Variants in ZDHHC20 observed in about 807,000 individuals in gnomAD.
ZDHHC20 encodes zDHHC palmitoyltransferase 20, also known as palmitoyltransferase ZDHHC20.
A neutral mutation model predicts 57.8 loss-of-function variants in ZDHHC20; 43 were observed. The ratio of observed to expected loss-of-function variants is 0.74; its 90% confidence interval spans 0.58 to 0.96. The LOEUF (loss-of-function observed/expected upper bound fraction) is 0.96, where lower values mean the gene tolerates loss of function less well. ZDHHC20 is among the 40% of genes least tolerant of loss of function. The pLI is 0.00. For missense variants in ZDHHC20, 391 were observed against 441.1 expected, an observed-to-expected ratio of 0.89 and a Z score of 1.02; for synonymous variants, 157 against 153.0, an observed-to-expected ratio of 1.03 and a Z score of -0.19.
rs779430398 is a variant in ZDHHC20 at position 21,374,888 on chromosome 13, CT to C, written c.*1807del. The C allele has an allele frequency of 2.3e-3, 746 of 328,598 alleles. 1 individual carries two copies. The highest frequency in any genetic ancestry group is 3.9e-3 in the Non-Finnish European group (660 of 168,608). The allele number at this position is 328,598 out of a possible 1,614,324, so 20.4% of individuals were successfully genotyped here. On this transcript the variant is annotated 3_prime_UTR_variant, in exon 13 of 13. Transcript: ENST00000400590. ...GTGGCTCACGCCTGTAATCCCAGCA[CT>C]TTGGGAAGCTGAGGTGGGTGGATTA...
chr13:21,457,990 A>G (rs1481440027), intron 1 of ZDHHC20, among the ~76,000 whole-genome samples: 2 of 152,248 alleles, frequency 1.3e-5, no homozygotes, highest in African/African-American at 4.8e-5. Context: ...CTAGGTTTTC[A>G]TAAAAAATTG....
chr13:21,424,714 A>C (rs1157750987), intron 2 of ZDHHC20, among the ~76,000 whole-genome samples: 3 of 151,852 alleles, frequency 2.0e-5, no homozygotes. Flanking sequence ...CTGTCTCAAA[A>C]AAAAAAAAAA....
At chr13:21,455,993 G>A (rs1226621902) in intron 1 of ZDHHC20, among the ~76,000 whole-genome samples, 1 of 152,078 alleles carries the variant, frequency 6.6e-6, no homozygotes, top group East Asian at 1.9e-4. Flanking sequence ...CTCTATAACC[G>A]TGGACAAATT....
intron 3 of ZDHHC20, among the ~76,000 whole-genome samples, chr13:21,417,392 C>T (rs1270392574): frequency 2.0e-5 from 3 of 152,018 alleles, no homozygotes; most frequent in Non-Finnish European, 4.4e-5. Context: ...ACACCCCACC[C>T]GTATTTATAA....
intron 12 of ZDHHC20, chr13:21,376,939 C>T: frequency 4.6e-6 from 1 of 215,804 alleles, no homozygotes. Context: ...ATCTGGTCCA[C>T]CTACACCTGT....
At position 21,372,653 on chromosome 13, in the gene ZDHHC20, G is replaced by A. The variant is rs1227229859; in HGVS notation, c.*4043C>T. On this transcript the variant is annotated 3_prime_UTR_variant, in exon 13 of 13. Transcript: ENST00000400590. Reference sequence around the variant, plus strand: ...AAGTTTTAAAATGTTCTGTGTACATGTCAATGTAGGTTAGGCCAGCCAAAA... The same window carrying A: ...AAGTTTTAAAATGTTCTGTGTACATATCAATGTAGGTTAGGCCAGCCAAAA... The A allele has an allele frequency of 6.6e-6, 1 of 152,118 alleles. No individual in the cohort carries two copies. The highest frequency in any genetic ancestry group is 1.5e-5 in the Non-Finnish European group (1 of 68,002). The allele number at this position is 152,118 out of a possible 1,614,324, so 9.4% of individuals were successfully genotyped here. A position where few individuals can be genotyped will look rare whatever the true frequency, so the allele number is the denominator to read the frequency against.
At chr13:21,443,675 T>C (rs377416290) in intron 1 of ZDHHC20, among the ~76,000 whole-genome samples, 1 of 152,240 alleles carries the variant, frequency 6.6e-6, no homozygotes, top group African/African-American at 2.4e-5. Context: ...AGAGTTATTG[T>C]AAAGATCAAA....
chr13:21,391,222 C>T (rs1292156205), intron 8 of ZDHHC20, among the ~76,000 whole-genome samples: 1 of 152,160 alleles, frequency 6.6e-6, no homozygotes, highest in Non-Finnish European at 1.5e-5. Flanking sequence ...CCATCTTGGC[C>T]TCCCAAAGTG....
chr13:21,450,692 C>G (rs1380607772), intron 1 of ZDHHC20, among the ~76,000 whole-genome samples: 2 of 151,300 alleles, frequency 1.3e-5, no homozygotes, highest in Non-Finnish European at 2.9e-5. Context: ...GGCAAGTTAT[C>G]TAGAAAATTA....
chr13:21,442,043 AG>A (rs558822437), intron 1 of ZDHHC20, among the ~76,000 whole-genome samples: 85 of 152,268 alleles, frequency 5.6e-4, no homozygotes, highest in African/African-American at 2.0e-3. Context: ...TGTTTACGTT[AG>A]GTATCATAAA....
chr13:21,399,397 T>C (rs1284255485), intron 7 of ZDHHC20, among the ~76,000 whole-genome samples: 1 of 151,510 alleles, frequency 6.6e-6, no homozygotes, highest in Non-Finnish European at 1.5e-5. Context: ...ATAAAATAAT[T>C]TCTAAATTTT....
intron 7 of ZDHHC20, among the ~76,000 whole-genome samples, chr13:21,395,734 T>G (rs548030227): frequency 6.6e-6 from 1 of 151,862 alleles, no homozygotes; most frequent in Non-Finnish European, 1.5e-5. Flanking sequence ...TCTCCTGACC[T>G]CGTGATCCGC....
chr13:21,432,547 T>G (rs1882093047), intron 1 of ZDHHC20, among the ~76,000 whole-genome samples: 1 of 152,172 alleles, frequency 6.6e-6, no homozygotes, highest in Non-Finnish European at 1.5e-5. Context: ...TTAGCCAAGG[T>G]GGTCTGGATC....
intron 1 of ZDHHC20, among the ~76,000 whole-genome samples, chr13:21,458,750 TC>T (rs1885132785): frequency 2.0e-5 from 3 of 152,176 alleles, no homozygotes; most frequent in African/African-American, 7.2e-5. Flanking sequence ...GCACGTTCCT[TC>T]CCAGAAGGAT....
At chr13:21,448,681 G>A (rs1286137264) in intron 1 of ZDHHC20, among the ~76,000 whole-genome samples, 1 of 99,616 alleles carries the variant, frequency 1.0e-5, no homozygotes, top group African/African-American at 3.1e-5. Context: ...GAAGTGAGGA[G>A]CCCCTTTGCC....
intron 1 of ZDHHC20, among the ~76,000 whole-genome samples, chr13:21,441,391 C>CTT (rs1405638106): frequency 2.8e-5 from 4 of 143,676 alleles, no homozygotes; most frequent in African/African-American, 7.7e-5. Flanking sequence ...TCTTTTCTCT[C>CTT]TTTTTTTTTT....
Position 21,394,325 on chromosome 13 carries a change from T to C in ZDHHC20, c.595-2471A>G, listed in dbSNP as rs143051757. ...TATCCATTAATTCCCTTCAAGTTTT[T>C]GCTTAAATCCTACCTTCTAAATAAG... On this transcript the variant is annotated intron_variant, in intron 7 of 12. Transcript: ENST00000400590. Among the ~76,000 whole-genome samples the C allele has an allele frequency of 7.4e-4, 113 of 152,340 alleles. 1 individual carries two copies. Among genetic ancestry groups the C allele is most frequent in the African/African-American group, 2.6e-3 (110 of 41,578 alleles).
intron 7 of ZDHHC20, among the ~76,000 whole-genome samples, chr13:21,394,911 A>G (rs1262761701): frequency 6.6e-6 from 1 of 152,188 alleles, no homozygotes. Flanking sequence ...CCAAACTTTA[A>G]ACATCTAATG....
At chr13:21,411,578 C>T (rs1235739688) in intron 4 of ZDHHC20, among the ~76,000 whole-genome samples, 1 of 152,174 alleles carries the variant, frequency 6.6e-6, no homozygotes, top group Non-Finnish European at 1.5e-5. Flanking sequence ...CCCTTCTCCA[C>T]TCAACATTCT....
Sources: allele counts gnomAD v4.1 joint callset (sites outside exome capture counted in the v4.1 genomes callset), GRCh38; gene constraint gnomAD v4.1.1; transcripts MANE v1.5; gene names NCBI Gene and HGNC (gene_info 2026-07-23, HGNC 2026-07-21).